Variants in ELMO1 observed in about 807,000 individuals in gnomAD.
ELMO1 encodes engulfment and cell motility protein 1.
ELMO1 carries 26 observed loss-of-function variants against 98.9 expected under a neutral mutation model. The observed-to-expected ratio is 0.26, with a 90% CI of 0.19 to 0.36. The LOEUF (loss-of-function observed/expected upper bound fraction) is 0.36, where lower values mean the gene tolerates loss of function less well. Ranked by LOEUF, ELMO1 falls within the 10% of genes least tolerant of loss-of-function variation. ELMO1 has a pLI of 1.00. For missense variants in ELMO1, 627 were observed against 935.2 expected (o/e 0.67, Z 4.30); for synonymous variants, 346 against 346.0 (o/e 1.00, Z 0.00).
intron 4 of ELMO1, among the ~76,000 whole-genome samples, chr7:37,273,410 C>G (rs1796670842): frequency 6.6e-6 from 1 of 152,184 alleles, no homozygotes; most frequent in Admixed American, 6.5e-5. Flanking sequence ...TTCACACCCT[C>G]TCTCACCTGC....
intron 15 of ELMO1, among the ~76,000 whole-genome samples, chr7:37,065,468 CACTGGT>C (rs1796907413): frequency 1.3e-5 from 2 of 152,158 alleles, no homozygotes; most frequent in East Asian, 1.9e-4. Context: ...TAGCAGCATT[CACTGGT>C]ACCTCCATGT....
Position 36,927,113 on chromosome 7 carries a change from T to C in ELMO1, c.1438-32096A>G, listed in dbSNP as rs77978662. Among the ~76,000 whole-genome samples the C allele has an allele frequency of 1.2e-3, 179 of 152,288 alleles. 4 individuals carry two copies. In the South Asian group the frequency reaches 0.014, roughly 12 times the overall value. Reference sequence around the variant, plus strand: ...AAAATGCTTTATATGGTTTCATTCATTGAATTGTCTCAACAACCCTAGGAG... The same window carrying C: ...AAAATGCTTTATATGGTTTCATTCACTGAATTGTCTCAACAACCCTAGGAG... On this transcript the variant is annotated intron_variant, in intron 16 of 21. Coordinates refer to ENST00000310758, the MANE Select transcript of ELMO1 (RefSeq NM_014800.11).
intron 6 of ELMO1, among the ~76,000 whole-genome samples, chr7:37,256,639 G>A (rs1321106262): frequency 7.9e-6 from 1 of 126,716 alleles, no homozygotes; most frequent in African/African-American, 3.0e-5. Context: ...GAAGGGAGGG[G>A]AGGGGAGAGG....
chr7:37,159,142 T>C (rs1219696169), intron 13 of ELMO1, among the ~76,000 whole-genome samples: 1 of 151,998 alleles, frequency 6.6e-6, no homozygotes, highest in Non-Finnish European at 1.5e-5. Flanking sequence ...CATCACACAC[T>C]GGGGCTGTCG....
intron 15 of ELMO1, among the ~76,000 whole-genome samples, chr7:37,064,279 G>A (rs1562977009): frequency 6.6e-6 from 1 of 152,198 alleles, no homozygotes; most frequent in Admixed American, 6.5e-5. Flanking sequence ...CATGCTAGGA[G>A]GGTGATGCTG....
intron 1 of ELMO1, among the ~76,000 whole-genome samples, chr7:37,379,197 T>G (rs1802487098): frequency 6.6e-6 from 1 of 151,872 alleles, no homozygotes; most frequent in Non-Finnish European, 1.5e-5. Context: ...CTACCACCAC[T>G]CCTGGCTAAT....
intron 10 of ELMO1, among the ~76,000 whole-genome samples, chr7:37,220,584 A>T (rs1793536093): frequency 6.6e-6 from 1 of 152,220 alleles, no homozygotes; most frequent in African/African-American, 2.4e-5. Context: ...TTATATCGAC[A>T]TTCCATTATA....
chr7:37,373,056 G>A (rs1468809115), intron 1 of ELMO1, among the ~76,000 whole-genome samples: 3 of 152,190 alleles, frequency 2.0e-5, no homozygotes, highest in African/African-American at 7.2e-5. Flanking sequence ...CACACAGGCA[G>A]GTAAATGGTT....
intron 13 of ELMO1, among the ~76,000 whole-genome samples, chr7:37,134,192 G>A (rs1014551910): frequency 2.0e-5 from 3 of 152,210 alleles, no homozygotes; most frequent in Non-Finnish European, 2.9e-5. Context: ...CAACCTCTAT[G>A]GAAAACACTA....
chr7:36,956,942 TG>T (rs1480773894), intron 16 of ELMO1, among the ~76,000 whole-genome samples: 1 of 152,198 alleles, frequency 6.6e-6, no homozygotes, highest in Non-Finnish European at 1.5e-5. Context: ...AAATGCTCAG[TG>T]GCGAGCAAAG....
At chr7:36,993,474 T>C (rs186842276) in intron 16 of ELMO1, among the ~76,000 whole-genome samples, 49 of 152,278 alleles carry the variant, frequency 3.2e-4, no homozygotes, top group African/African-American at 1.1e-3. Context: ...AGCAACAGCA[T>C]GTAAGAGCCA....
At position 37,113,701 on chromosome 7, in the gene ELMO1, G is replaced by A. The variant is rs983519649; in HGVS notation, c.1192-16974C>T. Among the ~76,000 whole-genome samples the A allele has an allele frequency of 4.6e-5, 7 of 152,340 alleles. No homozygotes were observed. In the South Asian group the frequency reaches 8.3e-4, roughly 18 times the overall value. On this transcript the variant is annotated intron_variant, in intron 14 of 21. Transcript: ENST00000310758. ...CCAACCCGCTGTATAGCATGTGACT[G>A]TATTTGAAGATAGGGCCTTTAAAGA... is the stretch of plus-strand genomic sequence containing the variant.
chr7:37,375,878 G>T, intron 1 of ELMO1: 2 of 691,358 alleles, frequency 2.9e-6, no homozygotes, highest in Non-Finnish European at 2.6e-6. Context: ...AGACTCACAA[G>T]AGGGGAAGCC....
intron 16 of ELMO1, among the ~76,000 whole-genome samples, chr7:36,963,713 A>G (rs1188399990): frequency 1.3e-5 from 2 of 152,230 alleles, no homozygotes; most frequent in Non-Finnish European, 2.9e-5. Context: ...TTTGTCACCT[A>G]TATGTCTATA....
At chr7:37,170,068 A>AT (rs553080090) in intron 13 of ELMO1, among the ~76,000 whole-genome samples, 75 of 151,844 alleles carry the variant, frequency 4.9e-4, no homozygotes, top group Admixed American at 9.2e-4. Flanking sequence ...TGCCCAGCTA[A>AT]TTTTTTTTGT....
chr7:37,246,157 A>T (rs1794994246), intron 6 of ELMO1, among the ~76,000 whole-genome samples: 1 of 152,230 alleles, frequency 6.6e-6, no homozygotes, highest in South Asian at 2.1e-4. Context: ...TCCCCACTGG[A>T]GATAAACATG....
chr7:36,955,767 A>G (rs1479211980), intron 16 of ELMO1, among the ~76,000 whole-genome samples: 1 of 152,156 alleles, frequency 6.6e-6, no homozygotes, highest in Admixed American at 6.5e-5. Flanking sequence ...CTGTTGCCTC[A>G]TCTTTAAATT....
At chr7:37,308,179 A>C (rs1798712924) in intron 4 of ELMO1, among the ~76,000 whole-genome samples, 1 of 152,170 alleles carries the variant, frequency 6.6e-6, no homozygotes, top group Non-Finnish European at 1.5e-5. Flanking sequence ...TCCATTCAAC[A>C]GTTTTCTCAC....
At chr7:36,898,243 A>T (rs888995036) in intron 16 of ELMO1, among the ~76,000 whole-genome samples, 1 of 152,206 alleles carries the variant, frequency 6.6e-6, no homozygotes, top group African/African-American at 2.4e-5. Flanking sequence ...CCTTAACTCT[A>T]TCTTCTTTAG....
Sources: allele counts gnomAD v4.1 joint callset (sites outside exome capture counted in the v4.1 genomes callset), GRCh38; gene constraint gnomAD v4.1.1; transcripts MANE v1.5; gene names NCBI Gene and HGNC (gene_info 2026-07-23, HGNC 2026-07-21).